The following HDX variants were observed in gnomAD, a reference collection of about 807,000 sequenced individuals.
HDX encodes the protein chromosome X open reading frame 43.
In HDX, 19 loss-of-function variants were observed where a neutral mutation model predicts 45.2. That is an observed-to-expected ratio of 0.42 (90% confidence interval 0.29 to 0.62). The LOEUF is 0.62. Ranked by LOEUF, HDX falls within the 20% of genes least tolerant of loss-of-function variation. HDX has a pLI of 0.20. For missense variants in HDX, 532 were observed against 493.9 expected, an observed-to-expected ratio of 1.08 and a Z score of -0.73; for synonymous variants, 188 against 172.8, an observed-to-expected ratio of 1.09 and a Z score of -0.69.
chrX:84,483,687 CT>C (rs1402591562), intron 2 of HDX, among the ~76,000 whole-genome samples: 1 of 112,712 alleles, frequency 8.9e-6, no homozygotes, highest in East Asian at 2.8e-4. Context: ...TGGCTCCTTG[CT>C]ACTTATGCAA....
chrX:84,413,149 A>C (rs1026738962), intron 5 of HDX, among the ~76,000 whole-genome samples: 1 of 111,744 alleles, frequency 8.9e-6, no homozygotes, highest in African/African-American at 3.3e-5. Flanking sequence ...GATGCCTGTC[A>C]CTTCAGCCAG....
intron 7 of HDX, among the ~76,000 whole-genome samples, chrX:84,339,200 T>C (rs1207987245): frequency 9.0e-6 from 1 of 111,692 alleles, no homozygotes; most frequent in Non-Finnish European, 1.9e-5. Context: ...CAATTTAATT[T>C]TTTTAAAGAA....
chrX:84,431,495 A>T (rs1008965337), intron 5 of HDX, among the ~76,000 whole-genome samples: 9 of 111,557 alleles, frequency 8.1e-5, no homozygotes, highest in Non-Finnish European at 1.3e-4. Flanking sequence ...CCTTTTCTAC[A>T]CAACCTCTCC....
In HDX at chrX:84,468,845, C is replaced by T. The variant is rs1370166505; in HGVS notation, c.878G>A (p.Cys293Tyr). Residue 293 changes from cysteine to tyrosine, a missense_variant, in exon 4 of 11, where the codon TGT becomes TAT. Physicochemically the swap from Cys to Tyr is radical, Grantham distance 194. Transcript: ENST00000373177. ...TCCAGTCTCCATTGCAATGGACAAA[C>T]AATTTCCTTCTGCTGAGCTAGGCTT... is the stretch of plus-strand genomic sequence containing the variant. Reference protein sequence around the residue: ...PQKPSSAEGNCLSIAMETGDA... With the variant: ...PQKPSSAEGNYLSIAMETGDA... 5.0e-6 allele frequency: 6 copies of T among 1,211,530 alleles called. No individual in the cohort carries two copies. In the South Asian group the frequency reaches 8.8e-5, roughly 18 times the overall value.
In HDX at chrX:84,418,142, G is replaced by A. The variant is rs2039158457; in HGVS notation, c.1305+22390C>T. Among the ~76,000 whole-genome samples, 3 of 111,654 alleles carry A rather than the reference G, an allele frequency of 2.7e-5. No individual in the cohort carries two copies. In the South Asian group the frequency reaches 1.1e-3, roughly 42 times the overall value. On this transcript the variant is annotated intron_variant, in intron 5 of 10. Coordinates refer to ENST00000373177, the MANE Select transcript of HDX (RefSeq NM_001177479.2). The stretch of plus-strand genomic sequence containing the variant: ...AAGTCAGTCCATAGGGGAAAATGAG[G>A]CCTGTTCTTTTTCAAATGCACATAC...
intron 5 of HDX, among the ~76,000 whole-genome samples, chrX:84,392,391 TATTTGGGCTCCCC>T (rs1262856092): frequency 9.0e-6 from 1 of 111,177 alleles, no homozygotes; most frequent in African/African-American, 3.3e-5. Context: ...TTGCTTTCGC[TATTTGGGCTCCCC>T]ATTTGTTCCA....
intron 5 of HDX, among the ~76,000 whole-genome samples, chrX:84,435,544 A>G (rs367656300): frequency 9.2e-6 from 1 of 109,197 alleles, no homozygotes; most frequent in Admixed American, 9.8e-5. Context: ...TTCTTTTGCT[A>G]TGCAGAAGCT....
intron 8 of HDX, among the ~76,000 whole-genome samples, chrX:84,334,898 GTA>G (rs1424731141): frequency 6.4e-4 from 71 of 110,274 alleles, no homozygotes; most frequent in Admixed American, 6.4e-3. Flanking sequence ...TTCCTACTCT[GTA>G]TGTGTGTGTG....
chrX:84,425,070 G>A (rs1056984572), intron 5 of HDX, among the ~76,000 whole-genome samples: 1 of 110,794 alleles, frequency 9.0e-6, no homozygotes, highest in East Asian at 2.8e-4. Flanking sequence ...TACCCATCTG[G>A]CAAGATATCA....
intron 4 of HDX, among the ~76,000 whole-genome samples, chrX:84,456,755 A>C (rs780507538): frequency 1.8e-5 from 2 of 112,065 alleles, no homozygotes; most frequent in East Asian, 5.6e-4. Flanking sequence ...ATAGATTTGA[A>C]GACAAAAAGT....
chrX:84,443,859 T>A (rs1325291597), intron 4 of HDX, among the ~76,000 whole-genome samples: 1 of 111,840 alleles, frequency 8.9e-6, no homozygotes, highest in Non-Finnish European at 1.9e-5. Flanking sequence ...AGTCAGGTAT[T>A]TCTTCTATAT....
At chrX:84,459,311 G>A (rs771900790) in intron 4 of HDX, among the ~76,000 whole-genome samples, 2 of 109,882 alleles carry the variant, frequency 1.8e-5, no homozygotes, top group South Asian at 3.9e-4. Context: ...GCGTGGTGGC[G>A]GGCGCCTGTA....
chrX:84,384,349 C>T (rs762851715), intron 5 of HDX, among the ~76,000 whole-genome samples: 2 of 109,694 alleles, frequency 1.8e-5, no homozygotes, highest in South Asian at 3.9e-4. Flanking sequence ...GCCTCCTTTT[C>T]GTGTCTTTGC....
chrX:84,439,654 G>C (rs890457396), intron 5 of HDX, among the ~76,000 whole-genome samples: 2 of 110,985 alleles, frequency 1.8e-5, no homozygotes, highest in Non-Finnish European at 3.8e-5. Flanking sequence ...ATCGAACAAG[G>C]AGTCCTTTCC....
chrX:84,349,411 G>A (rs969185288), intron 6 of HDX, among the ~76,000 whole-genome samples: 7 of 85,853 alleles, frequency 8.2e-5, no homozygotes, highest in Admixed American at 6.6e-4. Flanking sequence ...ATATGTGTGT[G>A]TGTGTGTGTG....
Position 84,353,852 on chromosome X carries a change from A to G in HDX, c.1452+7614T>C, listed in dbSNP as rs2037415252. ...AAACATACCACTCTGAAAGGTTCCC[A>G]GTTGGTTTTGTAAGTGTTTTCATAA... On this transcript the variant is annotated intron_variant, in intron 6 of 10. Coordinates refer to ENST00000373177, the MANE Select transcript of HDX (RefSeq NM_001177479.2). Among the ~76,000 whole-genome samples the G allele has an allele frequency of 2.7e-5, 3 of 111,462 alleles. No homozygotes were observed. The South Asian group carries it at 1.1e-3, about 42-fold the overall frequency.
At chrX:84,392,998 GAT>G (rs950377040) in intron 5 of HDX, among the ~76,000 whole-genome samples, 2 of 110,678 alleles carry the variant, frequency 1.8e-5, no homozygotes, top group Non-Finnish European at 3.8e-5. Flanking sequence ...TCTCTTGCCT[GAT>G]TGTTCTTGCT....
intron 6 of HDX, among the ~76,000 whole-genome samples, chrX:84,349,530 T>G (rs1306846039): frequency 1.0e-5 from 1 of 97,801 alleles, no homozygotes. Flanking sequence ...TGTGTGTATA[T>G]ATATATATAC....
At chrX:84,419,076 T>A (rs1170382989) in intron 5 of HDX, among the ~76,000 whole-genome samples, 1 of 111,920 alleles carries the variant, frequency 8.9e-6, no homozygotes, top group Non-Finnish European at 1.9e-5. Context: ...AACACAGCCC[T>A]GGAAGCATTC....
Sources: allele counts gnomAD v4.1 joint callset (sites outside exome capture counted in the v4.1 genomes callset), GRCh38; gene constraint gnomAD v4.1.1; transcripts MANE v1.5; gene names NCBI Gene and HGNC (gene_info 2026-07-23, HGNC 2026-07-21).